Variants in EZH2 observed in about 807,000 individuals in gnomAD.
The protein encoded by EZH2 is enhancer of zeste 2 polycomb repressive complex 2 subunit.
A neutral mutation model predicts 98.4 loss-of-function variants in EZH2; 18 were observed. The observed-to-expected ratio is 0.18, with a 90% CI of 0.13 to 0.27. The LOEUF (loss-of-function observed/expected upper bound fraction) is 0.27. Ranked by LOEUF, EZH2 falls within the 10% of genes least tolerant of loss-of-function variation. The pLI is 1.00. For missense variants in EZH2, 470 were observed against 935.1 expected, an observed-to-expected ratio of 0.50 and a Z score of 6.49; for synonymous variants, 338 against 312.3, an observed-to-expected ratio of 1.08 and a Z score of -0.87.
At chr7:148,846,085 T>C (rs1813937500) in intron 3 of EZH2, among the ~76,000 whole-genome samples, 1 of 152,214 alleles carries the variant, frequency 6.6e-6, no homozygotes, top group African/African-American at 2.4e-5. Context: ...AGCTTTCTTG[T>C]CCATGAATAT....
intron 1 of EZH2, among the ~76,000 whole-genome samples, chr7:148,859,675 T>C (rs1488036176): frequency 6.6e-6 from 1 of 152,182 alleles, no homozygotes; most frequent in African/African-American, 2.4e-5. Context: ...GCAAAGCCCA[T>C]GGGACACAGA....
chr7:148,856,919 C>T (rs1482002078), intron 1 of EZH2, among the ~76,000 whole-genome samples: 1 of 152,186 alleles, frequency 6.6e-6, no homozygotes, highest in East Asian at 1.9e-4. Flanking sequence ...CAATTTCCTT[C>T]CCCCTGAGCG....
intron 1 of EZH2, among the ~76,000 whole-genome samples, chr7:148,868,384 C>T (rs564157982): frequency 4.2e-4 from 64 of 152,308 alleles, no homozygotes; most frequent in African/African-American, 1.4e-3. Context: ...GCACATTATA[C>T]GTGGCTGATG....
At chr7:148,814,359 TTAAA>T (rs1241821546) in intron 14 of EZH2, among the ~76,000 whole-genome samples, 2 of 152,168 alleles carry the variant, frequency 1.3e-5, no homozygotes, top group Non-Finnish European at 2.9e-5. Flanking sequence ...TTTTCATTTG[TTAAA>T]TAGTGTATAT....
At chr7:148,855,648 C>T (rs1816694368) in intron 1 of EZH2, among the ~76,000 whole-genome samples, 1 of 151,970 alleles carries the variant, frequency 6.6e-6, no homozygotes, top group African/African-American at 2.4e-5. Flanking sequence ...GCCTGTAATC[C>T]CAGCACTTTG....
chr7:148,854,832 T>C (rs1159287969), intron 1 of EZH2, among the ~76,000 whole-genome samples: 1 of 152,268 alleles, frequency 6.6e-6, no homozygotes, highest in Non-Finnish European at 1.5e-5. Flanking sequence ...TTATTTTTAA[T>C]GTTACAATCC....
intron 1 of EZH2, among the ~76,000 whole-genome samples, chr7:148,871,201 G>A (rs949694665): frequency 6.6e-6 from 1 of 151,976 alleles, no homozygotes; most frequent in Admixed American, 6.6e-5. Flanking sequence ...AACAAGTGTT[G>A]GCAAGGATGC....
intron 9 of EZH2, among the ~76,000 whole-genome samples, chr7:148,819,243 G>C (rs1021360390): frequency 6.6e-6 from 1 of 152,114 alleles, no homozygotes; most frequent in East Asian, 1.9e-4. Flanking sequence ...GGCTATGAGA[G>C]GGGCTTGGGA....
At chr7:148,822,926 A>G (rs909899633) in intron 8 of EZH2, among the ~76,000 whole-genome samples, 2 of 152,206 alleles carry the variant, frequency 1.3e-5, no homozygotes, top group Non-Finnish European at 2.9e-5. Context: ...TGGGCGACAG[A>G]GCGAGACCCG....
At chr7:148,857,311 G>T (rs1250278214) in intron 1 of EZH2, among the ~76,000 whole-genome samples, 1 of 152,194 alleles carries the variant, frequency 6.6e-6, no homozygotes, top group Non-Finnish European at 1.5e-5. Context: ...ATTGGATCCT[G>T]AAACCAACCA....
At chr7:148,860,010 T>A (rs1880355) in intron 1 of EZH2, among the ~76,000 whole-genome samples, 112,325 of 152,098 alleles carry the variant, frequency 0.74, 42,128 homozygotes, top group African/African-American at 0.88. Flanking sequence ...AAGCCAAATT[T>A]AAAAAAACTG....
At chr7:148,849,273 A>T (rs1416215647) in intron 1 of EZH2, among the ~76,000 whole-genome samples, 5 of 152,192 alleles carry the variant, frequency 3.3e-5, no homozygotes, top group African/African-American at 1.2e-4. Flanking sequence ...GGTAACAAGG[A>T]ACTCAATCTT....
At chr7:148,864,047 C>CT (rs1272581927) in intron 1 of EZH2, among the ~76,000 whole-genome samples, 3 of 152,148 alleles carry the variant, frequency 2.0e-5, no homozygotes, top group African/African-American at 4.8e-5. Context: ...TTCTGTAGTG[C>CT]TAAAAAGTTC....
intron 1 of EZH2, among the ~76,000 whole-genome samples, chr7:148,869,338 C>CTTTT (rs143589780): frequency 5.7e-3 from 460 of 80,254 alleles, no homozygotes; most frequent in African/African-American, 0.021. Flanking sequence ...CAGCAATAGC[C>CTTTT]TTTTTTTTTT....
intron 1 of EZH2, among the ~76,000 whole-genome samples, chr7:148,876,598 C>A (rs1000287562): frequency 2.1e-5 from 3 of 146,240 alleles, no homozygotes; most frequent in African/African-American, 7.6e-5. Flanking sequence ...TAAGGATGTT[C>A]ACTTCTTTTC....
chr7:148,817,195 TAAC>T (rs1804792110), intron 11 of EZH2, 24 bp downstream of exon 11: 2 of 1,597,228 alleles, frequency 1.3e-6, no homozygotes, highest in African/African-American at 1.3e-5. Context: ...GAAGCTCTTT[TAAC>T]AACATTTTTA....
At chr7:148,883,260 C>T (rs1821267508) in intron 1 of EZH2, 1 of 152,204 alleles carries the variant, frequency 6.6e-6, no homozygotes, top group Admixed American at 6.5e-5. Context: ...CAAAAAGTAA[C>T]CCTGTGGCAC....
intron 1 of EZH2, among the ~76,000 whole-genome samples, chr7:148,863,356 G>A (rs1402002112): frequency 2.6e-5 from 4 of 152,104 alleles, no homozygotes; most frequent in African/African-American, 7.2e-5. Flanking sequence ...TTAATGAAGG[G>A]TACTTTATTA....
chr7:148,833,811 A>G (rs556202785), intron 3 of EZH2, among the ~76,000 whole-genome samples: 1 of 152,280 alleles, frequency 6.6e-6, no homozygotes, highest in African/African-American at 2.4e-5. Context: ...AAAAGAAAGG[A>G]TAAGTAGCTT....
Sources: gnomAD v4.1 joint callset for allele counts (sites outside exome capture counted in the v4.1 genomes callset) on GRCh38, gnomAD v4.1.1 for gene constraint, MANE v1.5 for transcripts, NCBI Gene and HGNC (gene_info 2026-07-23, HGNC 2026-07-21) for gene names.